SH2D3C: variants seen among roughly 807,000 people sequenced by gnomAD.
SH2D3C encodes SH2 domain-containing protein 3C.
In SH2D3C, 25 loss-of-function variants were observed where a neutral mutation model predicts 75.2. The observed-to-expected ratio is 0.33, with a 90% CI of 0.24 to 0.46. The LOEUF (loss-of-function observed/expected upper bound fraction) is 0.46. Among genes scored for constraint, SH2D3C ranks in the 20% least tolerant of loss-of-function variants. The pLI, the probability that SH2D3C is intolerant of heterozygous loss-of-function variation, is 1.00. For missense variants in SH2D3C, 933 were observed against 1,165.3 expected (o/e 0.80, Z 2.90); for synonymous variants, 450 against 473.7 (o/e 0.95, Z 0.65).
In SH2D3C at chr9:127,757,602, AGATGATGATGATGATGAT is replaced by A. The variant is rs140510163; in HGVS notation, c.555+3991_555+4008del. 3.3e-4 allele frequency among the ~76,000 whole-genome samples: 45 copies of A among 138,404 alleles called. 1 individual carries two copies. Among genetic ancestry groups the A allele is most frequent in the East Asian group, 2.9e-3 (14 of 4,866 alleles). The allele number at this position is 138,404 out of a possible 152,430, so 90.8% of individuals were successfully genotyped here. A position where few individuals can be genotyped will look rare whatever the true frequency, so the allele number is the denominator to read the frequency against. ...ATTACAGGCATGCACCACCATACCCAGATGATGATGATGATGATGATGATGATGATGATGATGATGATG... is the reference window on the plus strand; with the variant it reads ...ATTACAGGCATGCACCACCATACCCAGATGATGATGATGATGATGATGATG... On this transcript the variant is annotated intron_variant, in intron 3 of 11. Transcript: ENST00000314830.
Position 127,758,000 on chromosome 9 carries a change from G to A in SH2D3C, c.555+3611C>T, listed in dbSNP as rs551931769. Among the ~76,000 whole-genome samples, 23 of 151,994 alleles carry A rather than the reference G, an allele frequency of 1.5e-4. 1 individual carries two copies. In the South Asian group the frequency reaches 4.8e-3, roughly 32 times the overall value. ...TTAATAGAGGGTTTTCACTATCTTG[G>A]CCAGGGTGTTCTCAAACTCCTGGCC... On this transcript the variant is annotated intron_variant, in intron 3 of 11. Coordinates refer to ENST00000314830, the MANE Select transcript of SH2D3C (RefSeq NM_170600.3).
chr9:127,767,520 G>A (rs1845658288), intron 2 of SH2D3C, among the ~76,000 whole-genome samples: 1 of 152,182 alleles, frequency 6.6e-6, no homozygotes, highest in South Asian at 2.1e-4. Flanking sequence ...AGAGAGGGAA[G>A]GCAAAGAAAC....
chr9:127,777,766 C>A (rs976844609), intron 1 of SH2D3C, among the ~76,000 whole-genome samples: 13 of 152,020 alleles, frequency 8.6e-5, no homozygotes, highest in East Asian at 1.9e-4. Flanking sequence ...CGAAGTCAGT[C>A]AGAGAGACAG....
At chr9:127,758,274 C>G (rs1054223050) in intron 3 of SH2D3C, among the ~76,000 whole-genome samples, 2 of 152,118 alleles carry the variant, frequency 1.3e-5, no homozygotes, top group African/African-American at 4.8e-5. Context: ...TGCCCAGAAC[C>G]TCATCTGAGT....
intron 2 of SH2D3C, among the ~76,000 whole-genome samples, chr9:127,770,688 T>A (rs1444025547): frequency 6.6e-6 from 1 of 152,230 alleles, no homozygotes; most frequent in Non-Finnish European, 1.5e-5. Flanking sequence ...TCTCTTCATT[T>A]CCTTGGTCAG....
rs761369659 is a variant in SH2D3C, at chr9:127,774,276, T to C, written c.229A>G (p.Met77Val). 4 of 1,614,086 alleles carry C rather than the reference T, an allele frequency of 2.5e-6. No individual in the cohort carries two copies. The highest frequency in any genetic ancestry group is 3.4e-6 in the Non-Finnish European group (4 of 1,180,008). ...YARSSDMYSH[M>V]GTMPRPSIKK... Reference sequence around the variant, plus strand: ...ATGCTGGGGCGAGGCATGGTGCCCATGTGGCTGTACATGTCACTGGAGCGG... The same window carrying C: ...ATGCTGGGGCGAGGCATGGTGCCCACGTGGCTGTACATGTCACTGGAGCGG... Residue 77 changes from methionine to valine, a missense_variant, in exon 2 of 12, where the codon ATG (methionine) becomes GTG (valine). By Grantham distance (21) the Met-to-Val change is conservative (BLOSUM62 1). Transcript: ENST00000314830. The surrounding 1 kb of genome is among the most constrained non-coding windows in gnomAD (Gnocchi z 4.3).
chr9:127,766,526 C>T (rs1845638549), intron 2 of SH2D3C, among the ~76,000 whole-genome samples: 1 of 152,222 alleles, frequency 6.6e-6, no homozygotes, highest in Admixed American at 6.5e-5. Context: ...CACCATGCCC[C>T]TCCTGGGGGG....
chr9:127,769,311 C>G (rs1447971164), intron 2 of SH2D3C, among the ~76,000 whole-genome samples: 1 of 152,210 alleles, frequency 6.6e-6, no homozygotes, highest in Admixed American at 6.5e-5. Context: ...AAAATGGGCT[C>G]CTTTCCAGAG....
At chr9:127,748,559 C>T (rs910923575) in intron 5 of SH2D3C, among the ~76,000 whole-genome samples, 1 of 152,206 alleles carries the variant, frequency 6.6e-6, no homozygotes, top group Non-Finnish European at 1.5e-5. Context: ...CCCTCTAAGC[C>T]TATGTCCTCA....
chr9:127,742,511 A>G (rs1285861683), intron 8 of SH2D3C: 2 of 234,486 alleles, frequency 8.5e-6, no homozygotes, highest in East Asian at 1.0e-4. Flanking sequence ...TGCTGGGATT[A>G]CAGGCTCGAG....
chr9:127,770,896 C>T (rs938177470), intron 2 of SH2D3C, among the ~76,000 whole-genome samples: 1 of 152,184 alleles, frequency 6.6e-6, no homozygotes, highest in Non-Finnish European at 1.5e-5. Flanking sequence ...TGGGTTTAAA[C>T]CCTGGTTCTG....
In SH2D3C at chr9:127,744,742, G is replaced by T. The variant is rs755945078; in HGVS notation, c.1622C>A (p.Thr541Asn). The stretch of plus-strand genomic sequence containing the variant: ...GACTTCCACGATGGGGACTGTGAAG[G>T]TCTTGCCCCAGTCCCCTTCAGGGGC... ...NGAPEGDWGK[T>N]FTVPIVEVTS... is the part of the protein sequence containing the mutation. The change falls in exon 7 of 12, where the codon ACC becomes AAC. Residue 541 changes from threonine (T) to asparagine (N), a missense_variant. Thr to Asn is a moderately conservative substitution (Grantham distance 65). Transcript: ENST00000314830. 2 of 1,614,222 alleles carry T rather than the reference G, an allele frequency of 1.2e-6. No individual in the cohort carries two copies. The highest frequency in any genetic ancestry group is 3.3e-5 in the Admixed American group (2 of 60,032).
At position 127,744,817 on chromosome 9, in the gene SH2D3C, T is replaced by C; in HGVS notation, c.1547A>G (p.Gln516Arg). ...REWAATETSS[Q>R]QARSYGERLK... ...CCTCTCCCCATAGCTCCTGGCCTGC[T>C]GGCTGGAGGTCTCAGTCGCTGCCCA... is the stretch of plus-strand genomic sequence containing the variant. Residue 516 changes from glutamine to arginine, a missense_variant, in exon 7 of 12, where the codon CAG (glutamine) becomes CGG (arginine). By Grantham distance (43) the Gln-to-Arg change is conservative (BLOSUM62 1). Transcript: ENST00000314830. 1 of 1,614,204 alleles carries C rather than the reference T, an allele frequency of 6.2e-7. No individual in the cohort carries two copies. Among genetic ancestry groups the C allele is most frequent in the Non-Finnish European group, 8.5e-7 (1 of 1,180,028 alleles).
In SH2D3C at chr9:127,740,251, G is replaced by C. The variant is rs770970594; in HGVS notation, c.2200+7C>G. On this transcript the variant is annotated splice_region_variant and intron_variant, in intron 10 of 11. Coordinates refer to ENST00000314830, the MANE Select transcript of SH2D3C (RefSeq NM_170600.3). ...AGCCTGTCCAAGGTCACGCAACAAG[G>C]AAGTACCTTTGCCCTCGTTGAGGCT... 1 of 1,611,968 alleles carries C rather than the reference G, an allele frequency of 6.2e-7. No homozygotes were observed. The highest frequency in any genetic ancestry group is 8.5e-7 in the Non-Finnish European group (1 of 1,178,164).
intron 6 of SH2D3C, among the ~76,000 whole-genome samples, chr9:127,746,776 A>G (rs1027312411): frequency 2.0e-5 from 3 of 152,228 alleles, no homozygotes; most frequent in Admixed American, 6.5e-5. Flanking sequence ...CGTCTCTACT[A>G]AAAATACAAA....
Position 127,748,101 on chromosome 9 carries a change from G to A in SH2D3C, c.1140-830C>T, listed in dbSNP as rs117139952. ...CTACAACCATTCTCTGGGCAGACAC[G>A]GCCCCTCACTAGTGCCCTCAGCTTG... On this transcript the variant is annotated intron_variant, in intron 5 of 11. Coordinates refer to ENST00000314830, the MANE Select transcript of SH2D3C (RefSeq NM_170600.3). Among the ~76,000 whole-genome samples, 18 of 152,226 alleles carry A rather than the reference G, an allele frequency of 1.2e-4. No homozygotes were observed. In the East Asian group the frequency reaches 1.4e-3, roughly 11 times the overall value.
chr9:127,759,131 A>G (rs1845464744), intron 3 of SH2D3C, among the ~76,000 whole-genome samples: 1 of 152,186 alleles, frequency 6.6e-6, no homozygotes, highest in Middle Eastern at 3.2e-3. Flanking sequence ...CCACACCCAA[A>G]TCCAGTGGCA....
Position 127,751,688 on chromosome 9 carries a change from A to G in SH2D3C, c.556-388T>C, listed in dbSNP as rs1194748453. Among the ~76,000 whole-genome samples the G allele has an allele frequency of 6.6e-6, 1 of 152,240 alleles. No homozygotes were observed. The highest frequency in any genetic ancestry group is 1.5e-5 in the Non-Finnish European group (1 of 68,040). ...TTTACAAGCGGGATTAAGCCTGGGC[A>G]CGACAGAGGGGTCTCGGAAGCCTTC... On this transcript the variant is annotated intron_variant, in intron 3 of 11. Transcript: ENST00000314830. This position sits in a 1 kb window ranked among gnomAD's most constrained non-coding sequence, Gnocchi z 4.1.
chr9:127,773,857 G>A, intron 2 of SH2D3C, 133 bp downstream of exon 2: 1 of 604,892 alleles, frequency 1.7e-6, no homozygotes, highest in Non-Finnish European at 2.9e-6. Flanking sequence ...GGCAGAGGTT[G>A]CAGTGAACCG....
Sources: gnomAD v4.1 joint callset for allele counts (sites outside exome capture counted in the v4.1 genomes callset) on GRCh38, gnomAD v4.1.1 for gene constraint, Gnocchi (gnomAD v3.1) non-coding constraint, MANE v1.5 for transcripts, NCBI Gene and HGNC (gene_info 2026-07-23, HGNC 2026-07-21) for gene names.